SSH2: variants seen among roughly 807,000 people sequenced by gnomAD.
The protein encoded by SSH2 is slingshot protein phosphatase 2, also known as protein phosphatase Slingshot homolog 2.
In SSH2, 37 loss-of-function variants were observed where a neutral mutation model predicts 135.2. That is an observed-to-expected ratio of 0.27 (90% CI 0.21 to 0.36). The LOEUF is 0.36. Among genes scored for constraint, SSH2 ranks in the 10% least tolerant of loss-of-function variants. SSH2 has a pLI of 1.00. For missense variants in SSH2, 1,408 were observed against 1,765.3 expected (o/e 0.80, Z 3.63); for synonymous variants, 628 against 646.2 (o/e 0.97, Z 0.43).
chr17:29,720,604 C>T (rs796554622), intron 3 of SSH2, among the ~76,000 whole-genome samples: 4 of 152,230 alleles, frequency 2.6e-5, no homozygotes, highest in Admixed American at 6.5e-5. Flanking sequence ...TTCTTCTTTT[C>T]GTAACTGTTT....
At chr17:29,786,783 C>T (rs2041973996) in intron 3 of SSH2, among the ~76,000 whole-genome samples, 1 of 152,082 alleles carries the variant, frequency 6.6e-6, no homozygotes, top group Non-Finnish European at 1.5e-5. Context: ...GAGACCCTGT[C>T]TCTACAAAAA....
intron 3 of SSH2, among the ~76,000 whole-genome samples, chr17:29,738,762 G>T (rs1374167342): frequency 3.3e-5 from 5 of 151,774 alleles, no homozygotes; most frequent in Admixed American, 6.6e-5. Context: ...CACTGTGTTA[G>T]CCAGGATGGT....
chr17:29,686,364 G>T (rs2038220571), intron 5 of SSH2, among the ~76,000 whole-genome samples: 1 of 143,474 alleles, frequency 7.0e-6, no homozygotes, highest in African/African-American at 2.5e-5. Flanking sequence ...TAAAATGACA[G>T]TTTTTTTTTT....
chr17:29,885,625 T>A (rs1184645669), intron 1 of SSH2, among the ~76,000 whole-genome samples: 1 of 152,192 alleles, frequency 6.6e-6, no homozygotes, highest in Non-Finnish European at 1.5e-5. Context: ...TAATCAATAA[T>A]GCTTACTGAT....
chr17:29,656,269 C>T (rs1389394058), intron 11 of SSH2, among the ~76,000 whole-genome samples: 6 of 152,098 alleles, frequency 3.9e-5, no homozygotes, highest in Non-Finnish European at 7.4e-5. Context: ...CTCTGCCTCC[C>T]GGGTTCCAGC....
At chr17:29,929,709 G>A (rs1177528006) in intron 1 of SSH2, 1 of 591,294 alleles carries the variant, frequency 1.7e-6, no homozygotes, top group Non-Finnish European at 3.0e-6. Context: ...GGATTTCAGG[G>A]CGAGGATTGT....
At chr17:29,641,163 G>A (rs1310686096) in intron 14 of SSH2, among the ~76,000 whole-genome samples, 3 of 151,894 alleles carry the variant, frequency 2.0e-5, no homozygotes, top group Non-Finnish European at 4.4e-5. Context: ...TGCCCGCCTC[G>A]GCCTCCCAAA....
chr17:29,832,870 T>C (rs766305603), intron 2 of SSH2, among the ~76,000 whole-genome samples: 3 of 151,736 alleles, frequency 2.0e-5, no homozygotes, highest in Non-Finnish European at 4.4e-5. Context: ...TTTTACCATG[T>C]TGGCCAGGCT....
intron 2 of SSH2, among the ~76,000 whole-genome samples, chr17:29,840,231 C>T (rs2043015763): frequency 6.6e-6 from 1 of 152,146 alleles, no homozygotes; most frequent in Non-Finnish European, 1.5e-5. Context: ...GTTAATTTTG[C>T]AAATTTGGCC....
Position 29,791,343 on chromosome 17 carries a change from C to T in SSH2, c.188+2551G>A, listed in dbSNP as rs111380624. Among the ~76,000 whole-genome samples, 428 of 152,288 alleles carry T rather than the reference C, an allele frequency of 2.8e-3. 5 individuals are homozygous for T. The highest frequency in any genetic ancestry group is 9.1e-3 in the African/African-American group (377 of 41,546). ...TCATGTGATCCGTCTGCCTCAGCCT[C>T]CCAAAATGCTGGGATTACAGGCATG... is the stretch of plus-strand genomic sequence containing the variant. On this transcript the variant is annotated intron_variant, in intron 3 of 15. Coordinates refer to ENST00000540801, the MANE Select transcript of SSH2 (RefSeq NM_001282129.2).
intron 4 of SSH2, among the ~76,000 whole-genome samples, chr17:29,699,315 T>A (rs1431596067): frequency 6.6e-6 from 1 of 152,170 alleles, no homozygotes; most frequent in Non-Finnish European, 1.5e-5. Flanking sequence ...GTTAAAAAAT[T>A]CTAACTAGTT....
rs2035628530 is a variant in SSH2 at position 29,630,735 on chromosome 17, G to A, written c.*106C>T. The A allele has an allele frequency of 7.8e-7, 1 of 1,289,422 alleles. No homozygotes were observed. Among genetic ancestry groups the A allele is most frequent in the African/African-American group, 1.5e-5 (1 of 67,098 alleles). The allele number at this position is 1,289,422 out of a possible 1,614,324, so 79.9% of individuals were successfully genotyped here. A position where few individuals can be genotyped will look rare whatever the true frequency, so the allele number is the denominator to read the frequency against. ...CTGCATGCACCAGAAACAGTAAAAT[G>A]ACCAAAATATTATAAAATTAACCAA... On this transcript the variant is annotated 3_prime_UTR_variant, in exon 16 of 16. Transcript: ENST00000540801.
chr17:29,748,777 G>C (rs1045672758), intron 3 of SSH2, among the ~76,000 whole-genome samples: 1 of 152,140 alleles, frequency 6.6e-6, no homozygotes, highest in East Asian at 1.9e-4. Flanking sequence ...TCCTACTACA[G>C]AGCTGTTTCA....
At chr17:29,913,712 G>A (rs1264635433) in intron 1 of SSH2, among the ~76,000 whole-genome samples, 4 of 150,986 alleles carry the variant, frequency 2.6e-5, no homozygotes, top group African/African-American at 7.3e-5. Flanking sequence ...TCGGCTCACC[G>A]CAACCTCTGC....
At chr17:29,669,941 G>T (rs2151040308) in intron 9 of SSH2, among the ~76,000 whole-genome samples, 1 of 150,922 alleles carries the variant, frequency 6.6e-6, no homozygotes, top group African/African-American at 2.4e-5. Flanking sequence ...GAGTGCAGTG[G>T]TGTGATCTCG....
In SSH2 at chr17:29,709,890, C is replaced by CA. The variant is rs376416912; in HGVS notation, c.189-6829dup. Among the ~76,000 whole-genome samples, 335 of 152,214 alleles carry CA rather than the reference C, an allele frequency of 2.2e-3. 1 individual carries two copies. The highest frequency in any genetic ancestry group is 7.9e-3 in the African/African-American group (330 of 41,528). ...GGGAATGACAGTGGCATCTCAGTCT[C>CA]AAAAAATGGAGGAAAGAGCACTCGG... is the stretch of plus-strand genomic sequence containing the variant. On this transcript the variant is annotated intron_variant, in intron 3 of 15. Transcript: ENST00000540801.
chr17:29,751,219 C>T (rs2040930368), intron 3 of SSH2, among the ~76,000 whole-genome samples: 1 of 152,144 alleles, frequency 6.6e-6, no homozygotes, highest in Admixed American at 6.5e-5. Flanking sequence ...AGTTCGAGAC[C>T]AGCCTGATCA....
At chr17:29,733,218 A>G (rs2040256396) in intron 3 of SSH2, among the ~76,000 whole-genome samples, 1 of 152,198 alleles carries the variant, frequency 6.6e-6, no homozygotes, top group South Asian at 2.1e-4. Flanking sequence ...AAACAAAACA[A>G]AAGCAAATCT....
chr17:29,659,628 A>G lies in SSH2; in HGVS notation c.1033-4021T>C, dbSNP rs942075546. 1.3e-5 allele frequency among the ~76,000 whole-genome samples: 2 copies of G among 152,128 alleles called. 1 individual carries two copies. Among genetic ancestry groups the G allele is most frequent in the South Asian group, 4.1e-4 (2 of 4,828 alleles). On this transcript the variant is annotated intron_variant, in intron 11 of 15. Coordinates refer to ENST00000540801, the MANE Select transcript of SSH2 (RefSeq NM_001282129.2). ...AAGCTCCACCTCCCGGGTTCATGCCATTCTCCTGCCTCAGCTTCTCGAGTA... is the reference window on the plus strand; with the variant it reads ...AAGCTCCACCTCCCGGGTTCATGCCGTTCTCCTGCCTCAGCTTCTCGAGTA...
Sources: gnomAD v4.1 joint callset for allele counts (sites outside exome capture counted in the v4.1 genomes callset) on GRCh38, gnomAD v4.1.1 for gene constraint, MANE v1.5 for transcripts, NCBI Gene and HGNC (gene_info 2026-07-23, HGNC 2026-07-21) for gene names.